The following TBX18 variants were observed in gnomAD, a reference collection of about 807,000 sequenced individuals.
TBX18 encodes T-box transcription factor 18.
A neutral mutation model predicts 55.0 loss-of-function variants in TBX18; 21 were observed. The ratio of observed to expected loss-of-function variants is 0.38; its 90% CI spans 0.27 to 0.55. The LOEUF is 0.55. Ranked by LOEUF, TBX18 falls within the 20% of genes least tolerant of loss-of-function variation. The pLI is 0.73. For missense variants in TBX18, 840 were observed against 799.6 expected, an observed-to-expected ratio of 1.05 and a Z score of -0.61; for synonymous variants, 342 against 326.1, an observed-to-expected ratio of 1.05 and a Z score of -0.53.
intron 4 of TBX18, among the ~76,000 whole-genome samples, chr6:84,750,352 G>A (rs1173147953): frequency 6.6e-6 from 1 of 151,544 alleles, no homozygotes; most frequent in East Asian, 1.9e-4. Flanking sequence ...TATCTCAGCA[G>A]GGTTGAAAGA....
At chr6:84,741,515 G>C (rs938878420) in intron 6 of TBX18, 1 of 152,148 alleles carries the variant, frequency 6.6e-6, no homozygotes, top group Non-Finnish European at 1.5e-5. Context: ...AAGGGCCGAA[G>C]CTACTGATTC....
Position 84,762,533 on chromosome 6 carries a change from T to C in TBX18, c.497+11A>G, listed in dbSNP as rs757392609. On this transcript the variant is annotated intron_variant, in intron 2 of 7. Transcript: ENST00000369663. Reference sequence around the variant, plus strand: ...GGTAGGGAGGGGCGTCCACGCCAGCTTGCCCATTACCTGCCGGCCTTGGTG... The same window carrying C: ...GGTAGGGAGGGGCGTCCACGCCAGCCTGCCCATTACCTGCCGGCCTTGGTG... The C allele has an allele frequency of 8.1e-6, 13 of 1,613,852 alleles. No individual in the cohort carries two copies. Among genetic ancestry groups the C allele is most frequent in the African/African-American group, 1.3e-5 (1 of 74,960 alleles).
At chr6:84,751,399 T>C (rs1416828599) in intron 4 of TBX18, among the ~76,000 whole-genome samples, 4 of 152,238 alleles carry the variant, frequency 2.6e-5, no homozygotes, top group Non-Finnish European at 4.4e-5. Flanking sequence ...CTGATGTATG[T>C]CTTTGTTTGC....
At chr6:84,737,448 T>C in intron 7 of TBX18, 39 bp from the exon 8 acceptor site, 1 of 1,490,996 alleles carries the variant, frequency 6.7e-7, no homozygotes, top group African/African-American at 1.4e-5. Context: ...GACTCCACAG[T>C]CATCCTTTCC....
chr6:84,762,150 TAA>T (rs1161108445), intron 2 of TBX18, among the ~76,000 whole-genome samples: 2 of 137,328 alleles, frequency 1.5e-5, no homozygotes, highest in Non-Finnish European at 3.2e-5. Context: ...TGTTTAAAAA[TAA>T]AAGAGAAAGG....
At chr6:84,753,019 C>G (rs1340366298) in intron 4 of TBX18, among the ~76,000 whole-genome samples, 1 of 152,168 alleles carries the variant, frequency 6.6e-6, no homozygotes, top group Non-Finnish European at 1.5e-5. Context: ...AGGAATTACC[C>G]TACTCAAGCA....
At chr6:84,752,723 T>G (rs996242285) in intron 4 of TBX18, among the ~76,000 whole-genome samples, 1 of 152,124 alleles carries the variant, frequency 6.6e-6, no homozygotes, top group Non-Finnish European at 1.5e-5. Flanking sequence ...CCCTATAACT[T>G]GCTGCTTCCA....
In TBX18 at chr6:84,733,418, G is replaced by A. The variant is rs1232915555; in HGVS notation, c.*3267C>T. 1 of 152,140 alleles carries A rather than the reference G, an allele frequency of 6.6e-6. No individual in the cohort carries two copies. The highest frequency in any genetic ancestry group is 2.4e-5 in the African/African-American group (1 of 41,440). The allele number at this position is 152,140 out of a possible 1,614,324, so 9.4% of individuals were successfully genotyped here. ...AGCTTAGAAAAAACTTCATGTAGAT[G>A]AGCCAATAAATTTCTCATGAGGAAA... On this transcript the variant is annotated 3_prime_UTR_variant, in exon 8 of 8. Coordinates refer to ENST00000369663, the MANE Select transcript of TBX18 (RefSeq NM_001080508.3).
rs775336864 is a variant in TBX18, at chr6:84,760,236, C to T, written c.599+19G>A. The T allele has an allele frequency of 7.0e-6, 10 of 1,426,934 alleles. No individual in the cohort carries two copies. Among genetic ancestry groups the T allele is most frequent in the Middle Eastern group, 1.9e-4 (1 of 5,140 alleles). 88.4% of individuals were successfully genotyped at this position (1,426,934 alleles called of 1,614,324 possible). A position where few individuals can be genotyped will look rare whatever the true frequency, so the allele number is the denominator to read the frequency against. On this transcript the variant is annotated intron_variant, in intron 3 of 7. Transcript: ENST00000369663. ...CCTAGTGTTTTTTTTTTTAATTGTT[C>T]AGTATCTAATCACTGTACCTGTATC... is the stretch of plus-strand genomic sequence containing the variant.
rs1408645770 is a variant in TBX18 at position 84,756,781 on chromosome 6, C to T, written c.688G>A (p.Ala230Thr). 4 of 1,614,042 alleles carry T rather than the reference C, an allele frequency of 2.5e-6. No homozygotes were observed. The African/African-American group carries it at 5.3e-5, about 22-fold the overall frequency. ...PRVYIHPDSP[A>T]SGETWMRQVI... ...TGTCTCATCCAAGTCTCCCCCGAGG[C>T]AGGCGAGTCTGGATGAATGTACACA... Residue 230 changes from alanine (A) to threonine (T), a missense_variant, in exon 4 of 8, where the codon GCC (alanine) becomes ACC (threonine). By Grantham distance (58) the Ala-to-Thr change is moderately conservative. Coordinates refer to ENST00000369663, the MANE Select transcript of TBX18 (RefSeq NM_001080508.3).
Position 84,738,587 on chromosome 6 carries a change from C to G in TBX18, c.1009G>C (p.Gly337Arg). ...GFRDSGRNRM[G>R]LEALVESYAF... ...TATGATTCCACCAAGGCTTCCAAAC[C>G]CATTCTAAATGGAAAGGGTCAGGAT... Residue 337 changes from glycine to arginine, a missense_variant, in exon 7 of 8, where the codon GGT becomes CGT. Physicochemically the swap from Gly to Arg is moderately radical, Grantham distance 125. Transcript: ENST00000369663. 1 of 1,613,544 alleles carries G rather than the reference C, an allele frequency of 6.2e-7. No individual in the cohort carries two copies.
At chr6:84,737,906 A>T (rs1316051766) in intron 7 of TBX18, among the ~76,000 whole-genome samples, 1 of 152,210 alleles carries the variant, frequency 6.6e-6, no homozygotes, top group Non-Finnish European at 1.5e-5. Context: ...TTCTCACTGG[A>T]ATCTGGGCAG....
intron 6 of TBX18, chr6:84,742,151 A>G (rs1001887273): frequency 7.2e-5 from 11 of 152,198 alleles, no homozygotes; most frequent in African/African-American, 2.4e-4. Context: ...ATGTACTATA[A>G]TATTGTTTAA....
At chr6:84,737,509 T>C in intron 7 of TBX18, 100 bp from the exon 8 acceptor site, 2 of 1,321,748 alleles carry the variant, frequency 1.5e-6, no homozygotes, top group Non-Finnish European at 2.0e-6. Flanking sequence ...AGGCAAGGGT[T>C]GGAGGAATGC....
intron 4 of TBX18, among the ~76,000 whole-genome samples, chr6:84,750,407 T>A (rs1767316329): frequency 6.6e-6 from 1 of 152,036 alleles, no homozygotes; most frequent in African/African-American, 2.4e-5. Context: ...TTTTCAGAAC[T>A]ATATTAGGAA....
chr6:84,750,983 AC>A (rs1261452177), intron 4 of TBX18, among the ~76,000 whole-genome samples: 6 of 152,266 alleles, frequency 3.9e-5, no homozygotes, highest in African/African-American at 1.4e-4. Context: ...TTAAGGGAGA[AC>A]CCTTCCTCTT....
intron 2 of TBX18, among the ~76,000 whole-genome samples, chr6:84,761,241 TG>T (rs1767638369): frequency 6.6e-6 from 1 of 152,236 alleles, no homozygotes; most frequent in Admixed American, 6.5e-5. Context: ...ATCTAATTTT[TG>T]TTAATTTAAC....
chr6:84,756,457 C>G (rs1193641379), intron 4 of TBX18, among the ~76,000 whole-genome samples: 1 of 152,226 alleles, frequency 6.6e-6, no homozygotes, highest in Non-Finnish European at 1.5e-5. Context: ...TCTCTGCTTC[C>G]AGTACTTTCA....
intron 5 of TBX18, among the ~76,000 whole-genome samples, chr6:84,745,618 G>C (rs184911390): frequency 2.8e-4 from 43 of 152,134 alleles, no homozygotes; most frequent in Non-Finnish European, 3.2e-4. Context: ...CATCATGTCT[G>C]CCACTCTGTC....
Sources: allele counts gnomAD v4.1 joint callset (sites outside exome capture counted in the v4.1 genomes callset), GRCh38; gene constraint gnomAD v4.1.1; transcripts MANE v1.5; gene names NCBI Gene and HGNC (gene_info 2026-07-23, HGNC 2026-07-21).